Variants in AGAP1 observed in about 807,000 individuals in gnomAD.
AGAP1 encodes the protein ArfGAP with GTPase domain, ankyrin repeat and PH domain 1.
A neutral mutation model predicts 105.3 loss-of-function variants in AGAP1; 29 were observed. The observed-to-expected ratio is 0.28, with a 90% confidence interval of 0.21 to 0.38. The LOEUF (loss-of-function observed/expected upper bound fraction) is 0.38. Ranked by LOEUF, AGAP1 falls within the 10% of genes least tolerant of loss-of-function variation. AGAP1 has a pLI of 1.00. For synonymous variants in AGAP1, 509 were observed against 485.9 expected (o/e 1.05, Z -0.63); for missense variants, 998 against 1,165.1 (o/e 0.86, Z 2.09).
chr2:235,736,491 C>T lies in AGAP1; in HGVS notation c.311-4472C>T, dbSNP rs760520922. Among the ~76,000 whole-genome samples the T allele has an allele frequency of 6.6e-6, 1 of 152,024 alleles. No individual in the cohort carries two copies. Among genetic ancestry groups the T allele is most frequent in the Non-Finnish European group, 1.5e-5 (1 of 68,014 alleles). On this transcript the variant is annotated intron_variant, in intron 3 of 17. Coordinates refer to ENST00000304032, the MANE Select transcript of AGAP1 (RefSeq NM_001037131.3). The surrounding 1 kb of genome is among the most constrained non-coding windows in gnomAD (Gnocchi z 5.5). ...GAGGATACCGGTGGGCGAACCAGAC[C>T]TGCAGGAAAATACATGGAAATGGGG...
At position 235,864,721 on chromosome 2, in the gene AGAP1, C is replaced by A. The variant is rs2049078181; in HGVS notation, c.1051-18624C>A. Among the ~76,000 whole-genome samples, 1 of 152,106 alleles carries A rather than the reference C, an allele frequency of 6.6e-6. No homozygotes were observed. The highest frequency in any genetic ancestry group is 1.5e-5 in the Non-Finnish European group (1 of 68,024). On this transcript the variant is annotated intron_variant, in intron 9 of 17. Transcript: ENST00000304032. The surrounding 1 kb of genome is among the most constrained non-coding windows in gnomAD (Gnocchi z 5.0). Reference sequence around the variant, plus strand: ...AAAAATCAAGAGGGGATCTGTCAGTCCTGGTGGGAAAAAAAAACATTTTGT... The same window carrying A: ...AAAAATCAAGAGGGGATCTGTCAGTACTGGTGGGAAAAAAAAACATTTTGT...
At chr2:235,932,997 A>G (rs2052798073) in intron 12 of AGAP1, among the ~76,000 whole-genome samples, 1 of 152,206 alleles carries the variant, frequency 6.6e-6, no homozygotes, top group Admixed American at 6.5e-5. Context: ...AAAGACCAGT[A>G]TGCTCCCTGA....
intron 16 of AGAP1, among the ~76,000 whole-genome samples, chr2:236,115,573 A>G (rs1328932725): frequency 6.6e-6 from 1 of 152,166 alleles, no homozygotes; most frequent in East Asian, 1.9e-4. Context: ...CCTTCAAGTC[A>G]CAGCAGGTGG....
At chr2:235,648,318 G>A (rs1416621085) in intron 1 of AGAP1, among the ~76,000 whole-genome samples, 2 of 152,098 alleles carry the variant, frequency 1.3e-5, no homozygotes, top group Admixed American at 6.5e-5. Flanking sequence ...AGTGCACTCT[G>A]TCCCTGCAAC....
At position 235,656,109 on chromosome 2, in the gene AGAP1, T is replaced by C. The variant is rs182545041; in HGVS notation, c.164-53070T>C. On this transcript the variant is annotated intron_variant, in intron 1 of 17. Transcript: ENST00000304032. ...AGGAAGACTGCAGCCCCCATTCTGA[T>C]TGGCCTCAGGGGGCCGCTCCTGCTG... 6.6e-5 allele frequency among the ~76,000 whole-genome samples: 10 copies of C among 152,328 alleles called. No homozygotes were observed. In the East Asian group the frequency reaches 1.9e-3, roughly 29 times the overall value.
chr2:235,938,656 C>A (rs370173671), intron 12 of AGAP1, among the ~76,000 whole-genome samples: 1 of 152,210 alleles, frequency 6.6e-6, no homozygotes, highest in African/African-American at 2.4e-5. Flanking sequence ...TCAAGACTTA[C>A]ATTCTGCACT....
rs551717030 is a variant in AGAP1 at position 235,622,738 on chromosome 2, C to T, written c.164-86441C>T. Among the ~76,000 whole-genome samples, 3 of 152,098 alleles carry T rather than the reference C, an allele frequency of 2.0e-5. No individual in the cohort carries two copies. Among genetic ancestry groups the T allele is most frequent in the South Asian group, 2.1e-4 (1 of 4,780 alleles). ...GTAGCTAATGTTTGTAGCGCGCTCA[C>T]GTATGCCAGACTCTTCTTAGCGCTA... is the stretch of plus-strand genomic sequence containing the variant. On this transcript the variant is annotated intron_variant, in intron 1 of 17. Transcript: ENST00000304032. The surrounding 1 kb of genome is among the most constrained non-coding windows in gnomAD (Gnocchi z 5.0).
chr2:236,033,349 T>A (rs935812331), intron 13 of AGAP1, among the ~76,000 whole-genome samples: 3 of 152,204 alleles, frequency 2.0e-5, no homozygotes, highest in African/African-American at 7.2e-5. Flanking sequence ...CTGTGAACAC[T>A]TACATGTATT....
chr2:235,852,606 GA>G, intron 9 of AGAP1: 1 of 1,275,278 alleles, frequency 7.8e-7, no homozygotes. Context: ...TTAGGTAATT[GA>G]GTTTATAATT....
At chr2:235,726,031 G>A (rs756966074) in intron 3 of AGAP1, among the ~76,000 whole-genome samples, 7 of 152,204 alleles carry the variant, frequency 4.6e-5, no homozygotes, top group Non-Finnish European at 8.8e-5. Context: ...GTGTTTTTGA[G>A]TTGGCTGTAT....
At chr2:236,024,582 TA>T (rs2056992874) in intron 13 of AGAP1, among the ~76,000 whole-genome samples, 1 of 152,176 alleles carries the variant, frequency 6.6e-6, no homozygotes, top group Non-Finnish European at 1.5e-5. Flanking sequence ...TTTAGCCCTT[TA>T]ACCCTTTGTC....
chr2:235,890,621 A>G (rs967193682), intron 10 of AGAP1, among the ~76,000 whole-genome samples: 1 of 152,196 alleles, frequency 6.6e-6, no homozygotes, highest in African/African-American at 2.4e-5. Context: ...GCTGGAGCAC[A>G]CCTGCATAGC....
rs2054446695 is a variant in AGAP1, at chr2:235,967,367, C to T, written c.1484-1095C>T. 6.6e-6 allele frequency among the ~76,000 whole-genome samples: 1 copy of T among 152,224 alleles called. No individual in the cohort carries two copies. The highest frequency in any genetic ancestry group is 6.5e-5 in the Admixed American group (1 of 15,280). ...CTCCCCAGCCTCCCAGCCTTGATGC[C>T]CCGCGTTCCTATTCGGTCTTTCCCA... is the stretch of plus-strand genomic sequence containing the variant. On this transcript the variant is annotated intron_variant, in intron 12 of 17. Transcript: ENST00000304032. The surrounding 1 kb of genome is among the most constrained non-coding windows in gnomAD (Gnocchi z 4.7).
At chr2:235,907,257 TC>T (rs1446164721) in intron 10 of AGAP1, among the ~76,000 whole-genome samples, 1 of 152,178 alleles carries the variant, frequency 6.6e-6, no homozygotes, top group East Asian at 1.9e-4. Flanking sequence ...AGCCCACTTC[TC>T]CACCCTGCCT....
At chr2:235,711,805 C>T (rs1950870838) in intron 2 of AGAP1, among the ~76,000 whole-genome samples, 1 of 152,170 alleles carries the variant, frequency 6.6e-6, no homozygotes, top group Admixed American at 6.5e-5. Flanking sequence ...TTGTTTCCCT[C>T]CTAGCGCAGC....
chr2:235,717,926 G>A lies in AGAP1; in HGVS notation c.310+282G>A, dbSNP rs148825878. On this transcript the variant is annotated intron_variant, in intron 3 of 17. Coordinates refer to ENST00000304032, the MANE Select transcript of AGAP1 (RefSeq NM_001037131.3). ...TTTCAAATGTCCTTTTTAATCCAGT[G>A]TCCTTCTTATCCATTGTTGCTCCTT... is the stretch of plus-strand genomic sequence containing the variant. Among the ~76,000 whole-genome samples, 595 of 152,226 alleles carry A rather than the reference G, an allele frequency of 3.9e-3. 6 individuals carry two copies. The highest frequency in any genetic ancestry group is 0.014 in the African/African-American group (567 of 41,538).
rs35601541 is a variant in AGAP1, at chr2:235,621,901, A to AC, written c.164-87271dup. Reference sequence around the variant, plus strand: ...GCGATCGGAAGGGAGTGCCGCGCAGACCCCCCCACCCCCTCAGAACAGCGG... The same window carrying AC: ...GCGATCGGAAGGGAGTGCCGCGCAGACCCCCCCCACCCCCTCAGAACAGCGG... On this transcript the variant is annotated intron_variant, in intron 1 of 17. Transcript: ENST00000304032. The surrounding 1 kb of genome is among the most constrained non-coding windows in gnomAD (Gnocchi z 4.1). 0.39 allele frequency among the ~76,000 whole-genome samples: 58,416 copies of AC among 150,854 alleles called. 12,262 individuals carry two copies. The highest frequency in any genetic ancestry group is 0.58 in the East Asian group (2,974 of 5,090).
At chr2:235,817,534 A>G (rs1958527495) in intron 9 of AGAP1, among the ~76,000 whole-genome samples, 1 of 152,206 alleles carries the variant, frequency 6.6e-6, no homozygotes, top group Non-Finnish European at 1.5e-5. Context: ...CCTTGGTACC[A>G]AAGCTGACAG....
rs938301414 is a variant in AGAP1, at chr2:235,721,200, G to A, written c.310+3556G>A. Among the ~76,000 whole-genome samples the A allele has an allele frequency of 2.6e-5, 4 of 151,958 alleles. No individual in the cohort carries two copies. The highest frequency in any genetic ancestry group is 9.7e-5 in the African/African-American group (4 of 41,366). On this transcript the variant is annotated intron_variant, in intron 3 of 17. Transcript: ENST00000304032. The surrounding 1 kb of genome is among the most constrained non-coding windows in gnomAD (Gnocchi z 4.5). Reference sequence around the variant, plus strand: ...TTTTTGTATTTTTGGTAGAGGCAGGGTTTCACCATGTTGGCCAGACTGGTC... The same window carrying A: ...TTTTTGTATTTTTGGTAGAGGCAGGATTTCACCATGTTGGCCAGACTGGTC...
Sources: allele counts gnomAD v4.1 joint callset (sites outside exome capture counted in the v4.1 genomes callset), GRCh38; gene constraint gnomAD v4.1.1; non-coding constraint Gnocchi (gnomAD v3.1); transcripts MANE v1.5; gene names NCBI Gene and HGNC (gene_info 2026-07-23, HGNC 2026-07-21).